MGMT: variants seen among roughly 807,000 people sequenced by gnomAD.
The protein encoded by MGMT is O-6-methylguanine-DNA methyltransferase, also known as methylated-DNA--protein-cysteine methyltransferase.
In MGMT, 14 loss-of-function variants were observed where a neutral mutation model predicts 15.9. The observed-to-expected ratio is 0.88, with a 90% CI of 0.58 to 1.37. The LOEUF (loss-of-function observed/expected upper bound fraction) is 1.37, where lower values mean the gene tolerates loss of function less well. Among genes scored for constraint, MGMT ranks in the 40% most tolerant of loss-of-function variants. The probability of loss-of-function intolerance (pLI) is 0.00; values close to 1 mark genes in which losing one functional copy is unlikely to be tolerated. For synonymous variants in MGMT, 130 were observed against 118.2 expected, an observed-to-expected ratio of 1.10 and a Z score of -0.65; for missense variants, 282 against 268.1, an observed-to-expected ratio of 1.05 and a Z score of -0.36.
At chr10:129,694,847 T>C (rs1223935089) in intron 2 of MGMT, among the ~76,000 whole-genome samples, 1 of 152,198 alleles carries the variant, frequency 6.6e-6, no homozygotes, top group African/African-American at 2.4e-5. Context: ...TTTCATCCTT[T>C]AAACTGAAAA....
In MGMT at chr10:129,482,328, T is replaced by C. The variant is rs564626963; in HGVS notation, c.-13+15032T>C. Reference sequence around the variant, plus strand: ...CCTCCTAGATTTGTTGAGAGTTGTTTTACAGCCCAGAATATGGTCTACCTT... The same window carrying C: ...CCTCCTAGATTTGTTGAGAGTTGTTCTACAGCCCAGAATATGGTCTACCTT... On this transcript the variant is annotated intron_variant, in intron 1 of 4. Coordinates refer to ENST00000651593, the MANE Select transcript of MGMT (RefSeq NM_002412.5). Among the ~76,000 whole-genome samples the C allele has an allele frequency of 4.6e-5, 7 of 152,322 alleles. No individual in the cohort carries two copies. The South Asian group carries it at 1.5e-3, about 32-fold the overall frequency.
intron 2 of MGMT, among the ~76,000 whole-genome samples, chr10:129,693,213 C>T (rs1847989484): frequency 6.6e-6 from 1 of 152,206 alleles, no homozygotes; most frequent in Non-Finnish European, 1.5e-5. Flanking sequence ...TTCCAGGCGT[C>T]AGTGGGGTCT....
chr10:129,578,023 T>C (rs1846506931), intron 2 of MGMT, among the ~76,000 whole-genome samples: 1 of 152,080 alleles, frequency 6.6e-6, no homozygotes, highest in Non-Finnish European at 1.5e-5. Flanking sequence ...CATTAAAAAG[T>C]CAGGAAACAA....
chr10:129,664,831 A>G (rs1847639370), intron 2 of MGMT, among the ~76,000 whole-genome samples: 1 of 152,234 alleles, frequency 6.6e-6, no homozygotes, highest in African/African-American at 2.4e-5. Flanking sequence ...TAAATGGAAG[A>G]TAAGCATATG....
rs984690008 is a variant in MGMT, at chr10:129,544,227, C to T, written c.125+7850C>T. Among the ~76,000 whole-genome samples the T allele has an allele frequency of 5.3e-5, 8 of 152,326 alleles. No homozygotes were observed. The South Asian group carries it at 1.7e-3, about 32-fold the overall frequency. ...TGGAACCTTGGCACAATCCAGTTCT[C>T]ATCTAGAATTACATTGTATGCTGTG... On this transcript the variant is annotated intron_variant, in intron 2 of 4. Transcript: ENST00000651593.
intron 3 of MGMT, among the ~76,000 whole-genome samples, chr10:129,738,326 G>A (rs150307685): frequency 0.011 from 1,713 of 152,320 alleles, 26 homozygotes; most frequent in African/African-American, 0.038. Flanking sequence ...TCCAGGTGCC[G>A]TCTGTCACCA....
intron 2 of MGMT, among the ~76,000 whole-genome samples, chr10:129,686,269 A>G (rs1847903414): frequency 6.6e-6 from 1 of 152,192 alleles, no homozygotes; most frequent in Non-Finnish European, 1.5e-5. Flanking sequence ...GAAAGAAAAA[A>G]AAAAGAGATC....
At chr10:129,690,731 G>T (rs1276282668) in intron 2 of MGMT, among the ~76,000 whole-genome samples, 1 of 152,176 alleles carries the variant, frequency 6.6e-6, no homozygotes, top group East Asian at 1.9e-4. Context: ...GAGTGGGAAG[G>T]CCTGGGGGAA....
chr10:129,503,740 TACTC>T (rs1286708861), intron 1 of MGMT, among the ~76,000 whole-genome samples: 1 of 152,244 alleles, frequency 6.6e-6, no homozygotes, highest in East Asian at 1.9e-4. Context: ...GCTTTTCTAA[TACTC>T]AGGTAGAAGC....
chr10:129,546,243 G>C (rs1564848148), intron 2 of MGMT, among the ~76,000 whole-genome samples: 4 of 150,334 alleles, frequency 2.7e-5, no homozygotes, highest in Non-Finnish European at 5.9e-5. Context: ...GGGCAGACAG[G>C]GGCAGACGGG....
chr10:129,699,874 G>A (rs559846075), intron 2 of MGMT, among the ~76,000 whole-genome samples: 3 of 152,060 alleles, frequency 2.0e-5, no homozygotes, highest in African/African-American at 7.2e-5. Context: ...TTTAAAATAG[G>A]CCCTACAACT....
chr10:129,601,091 T>A (rs1482187696), intron 2 of MGMT, among the ~76,000 whole-genome samples: 1 of 152,062 alleles, frequency 6.6e-6, no homozygotes, highest in Non-Finnish European at 1.5e-5. Flanking sequence ...AAAGCATTTT[T>A]TTTTTTTTTA....
At chr10:129,746,252 A>C (rs56369526) in intron 3 of MGMT, among the ~76,000 whole-genome samples, 23,456 of 148,742 alleles carry the variant, frequency 0.16, 1,966 homozygotes, top group East Asian at 0.22. Context: ...AAAAAAAAAA[A>C]AAACAAACAA....
chr10:129,476,961 C>G (rs952201783), intron 1 of MGMT, among the ~76,000 whole-genome samples: 1 of 152,146 alleles, frequency 6.6e-6, no homozygotes, highest in Non-Finnish European at 1.5e-5. Context: ...GCCGCATGGT[C>G]CTCGCAGCCT....
At chr10:129,646,759 C>A (rs1176338112) in intron 2 of MGMT, among the ~76,000 whole-genome samples, 1 of 64,944 alleles carries the variant, frequency 1.5e-5, no homozygotes, top group African/African-American at 7.3e-5. Flanking sequence ...TATATATTTT[C>A]AGGGAATGGT....
At chr10:129,502,110 A>G (rs992472827) in intron 1 of MGMT, among the ~76,000 whole-genome samples, 1 of 152,236 alleles carries the variant, frequency 6.6e-6, no homozygotes, top group Non-Finnish European at 1.5e-5. Flanking sequence ...TTGTTACTGC[A>G]GAGCGTCCCA....
At chr10:129,642,966 A>G (rs749205259) in intron 2 of MGMT, among the ~76,000 whole-genome samples, 1 of 152,096 alleles carries the variant, frequency 6.6e-6, no homozygotes, top group Non-Finnish European at 1.5e-5. Context: ...GTAATAAAAG[A>G]GCACCAGGAA....
chr10:129,636,953 G>A (rs1411563941), intron 2 of MGMT, among the ~76,000 whole-genome samples: 3 of 152,196 alleles, frequency 2.0e-5, no homozygotes, highest in Non-Finnish European at 4.4e-5. Context: ...AGCCACACTC[G>A]AGTTGTCTAA....
chr10:129,655,294 G>A (rs965926127), intron 2 of MGMT, among the ~76,000 whole-genome samples: 35 of 152,242 alleles, frequency 2.3e-4, no homozygotes, highest in African/African-American at 5.8e-4. Context: ...CTGGTGTGGA[G>A]GGGCCGCCTC....
Sources: allele counts gnomAD v4.1 joint callset (sites outside exome capture counted in the v4.1 genomes callset), GRCh38; gene constraint gnomAD v4.1.1; transcripts MANE v1.5; gene names NCBI Gene and HGNC (gene_info 2026-07-23, HGNC 2026-07-21).